TENM2: variants seen among roughly 807,000 people sequenced by gnomAD.
The protein encoded by TENM2 is teneurin-2.
TENM2 carries 52 observed loss-of-function variants against 245.2 expected under a neutral mutation model. The observed-to-expected ratio is 0.21, with a 90% CI of 0.17 to 0.27. The LOEUF is 0.27. Ranked by LOEUF, TENM2 falls within the 10% of genes least tolerant of loss-of-function variation. The probability of loss-of-function intolerance (pLI) is 1.00; values close to 1 mark genes in which losing one functional copy is unlikely to be tolerated. For missense variants in TENM2, 3,046 were observed against 3,666.8 expected (o/e 0.83, Z 4.37); for synonymous variants, 1,363 against 1,438.9 (o/e 0.95, Z 1.19).
chr5:167,633,957 C>A (rs894644295), intron 2 of TENM2, among the ~76,000 whole-genome samples: 1 of 152,128 alleles, frequency 6.6e-6, no homozygotes, highest in Non-Finnish European at 1.5e-5. Flanking sequence ...AATGGTTGGG[C>A]GTTTCCTGAG....
At chr5:168,040,498 G>A (rs1788091847) in intron 5 of TENM2, among the ~76,000 whole-genome samples, 1 of 152,192 alleles carries the variant, frequency 6.6e-6, no homozygotes, top group Admixed American at 6.5e-5. Flanking sequence ...ATTTGTGGGT[G>A]TAACTTCCAT....
the TENM2 span, among the ~76,000 whole-genome samples, chr5:167,096,064 G>A: frequency 3.3e-5 from 5 of 152,140 alleles, no homozygotes; most frequent in East Asian, 1.9e-4. Flanking sequence ...GAGCCACCAC[G>A]CCTGGCAAAG....
chr5:167,400,559 T>G (rs1762305897), intron 2 of TENM2, among the ~76,000 whole-genome samples: 1 of 151,606 alleles, frequency 6.6e-6, no homozygotes, highest in Non-Finnish European at 1.5e-5. Flanking sequence ...AATCAGAACG[T>G]GAATCTGGAA....
chr5:167,931,818 C>T (rs1778311037), intron 3 of TENM2, among the ~76,000 whole-genome samples: 1 of 152,092 alleles, frequency 6.6e-6, no homozygotes, highest in Admixed American at 6.5e-5. Context: ...ATGCCTTTTC[C>T]CTTATCGCAG....
chr5:166,999,689 G>T, the TENM2 span, among the ~76,000 whole-genome samples: 5 of 152,250 alleles, frequency 3.3e-5, no homozygotes, highest in South Asian at 1.0e-3. Flanking sequence ...TATGGTGGAT[G>T]GTGAGCAGCA....
At chr5:168,056,173 A>T (rs1447938444) in intron 6 of TENM2, among the ~76,000 whole-genome samples, 2 of 152,150 alleles carry the variant, frequency 1.3e-5, no homozygotes, top group African/African-American at 4.8e-5. Context: ...TTAGAGAACA[A>T]CAGAGATCTG....
chr5:167,117,809 A>G, the TENM2 span, among the ~76,000 whole-genome samples: 1 of 152,042 alleles, frequency 6.6e-6, no homozygotes, highest in Non-Finnish European at 1.5e-5. Flanking sequence ...ACTAGATGTC[A>G]GGATCATCCC....
chr5:168,015,179 T>C (rs1562053478), intron 5 of TENM2, among the ~76,000 whole-genome samples: 2 of 152,348 alleles, frequency 1.3e-5, no homozygotes, highest in South Asian at 4.1e-4. Context: ...TTTTGCTTTT[T>C]GTAGGCAATA....
chr5:167,177,689 A>G, the TENM2 span, among the ~76,000 whole-genome samples: 1 of 152,192 alleles, frequency 6.6e-6, no homozygotes, highest in African/African-American at 2.4e-5. Flanking sequence ...GTGGCTCCCC[A>G]TATTCGTGTC....
intron 7 of TENM2, among the ~76,000 whole-genome samples, chr5:168,086,519 G>C (rs1173010884): frequency 2.0e-5 from 3 of 152,112 alleles, no homozygotes; most frequent in African/African-American, 7.2e-5. Flanking sequence ...TTTACTTTGG[G>C]TTATTGTGCT....
At chr5:167,864,236 G>A (rs931371796) in intron 2 of TENM2, among the ~76,000 whole-genome samples, 1 of 152,142 alleles carries the variant, frequency 6.6e-6, no homozygotes, top group African/African-American at 2.4e-5. Context: ...TTTGCTATCT[G>A]CAGACAAAGC....
At chr5:167,419,836 A>C (rs1293770613) in intron 2 of TENM2, among the ~76,000 whole-genome samples, 1 of 152,184 alleles carries the variant, frequency 6.6e-6, no homozygotes, top group Admixed American at 6.5e-5. Flanking sequence ...TTTGAACTAA[A>C]ATCAGCTTAA....
At chr5:168,110,612 C>A (rs1295318959) in intron 9 of TENM2, among the ~76,000 whole-genome samples, 1 of 152,182 alleles carries the variant, frequency 6.6e-6, no homozygotes, top group Non-Finnish European at 1.5e-5. Flanking sequence ...CCCATGCCTT[C>A]AAGAAGCTTC....
At chr5:168,161,316 G>A (rs1473094400) in intron 12 of TENM2, among the ~76,000 whole-genome samples, 1 of 152,164 alleles carries the variant, frequency 6.6e-6, no homozygotes, top group Non-Finnish European at 1.5e-5. Context: ...TGGTGGCAGA[G>A]GTAGAGATAG....
chr5:167,058,512 A>G, the TENM2 span, among the ~76,000 whole-genome samples: 3 of 152,314 alleles, frequency 2.0e-5, no homozygotes, highest in African/African-American at 7.2e-5. Flanking sequence ...TTATCCCAGC[A>G]CTTTGGGATG....
intron 4 of TENM2, among the ~76,000 whole-genome samples, chr5:167,961,228 C>T (rs901968351): frequency 6.6e-6 from 1 of 152,148 alleles, no homozygotes; most frequent in African/African-American, 2.4e-5. Flanking sequence ...TATGTAAAGT[C>T]AATAAAAACT....
chr5:168,140,036 A>G (rs142083397), intron 12 of TENM2, among the ~76,000 whole-genome samples: 53 of 152,330 alleles, frequency 3.5e-4, no homozygotes, highest in African/African-American at 1.2e-3. Flanking sequence ...CAGGATTAGT[A>G]TTGAGTGAGG....
intron 4 of TENM2, chr5:167,965,559 G>GT (rs1781328515): frequency 6.6e-6 from 1 of 151,214 alleles, no homozygotes; most frequent in Non-Finnish European, 1.5e-5. Context: ...TCCATCCTGG[G>GT]TGATAGCGTG....
intron 2 of TENM2, among the ~76,000 whole-genome samples, chr5:167,675,156 G>T (rs1444748948): frequency 6.6e-6 from 1 of 152,116 alleles, no homozygotes; most frequent in African/African-American, 2.4e-5. Context: ...GTTTGTAAGT[G>T]CTTATAGTCT....
Sources: allele counts gnomAD v4.1 joint callset (sites outside exome capture counted in the v4.1 genomes callset), GRCh38; gene constraint gnomAD v4.1.1; transcripts MANE v1.5; gene names NCBI Gene and HGNC (gene_info 2026-07-23, HGNC 2026-07-21).